FERRY3: variants seen among roughly 807,000 people sequenced by gnomAD.
FERRY3 encodes the protein protein C12orf4.
chr12:4,525,446 T>C, the FERRY3 span: 12 of 1,600,598 alleles, frequency 7.5e-6, no homozygotes, highest in Non-Finnish European at 1.0e-5. Context: ...CAAAAGAAAA[T>C]GCAACTGCAT....
chr12:4,516,769 A>G, the FERRY3 span, among the ~76,000 whole-genome samples: 1 of 152,176 alleles, frequency 6.6e-6, no homozygotes, highest in African/African-American at 2.4e-5. Context: ...TACCTAGGCG[A>G]TGGGTTGATC....
At chr12:4,536,342 T>C in the FERRY3 span, 1 of 490,532 alleles carries the variant, frequency 2.0e-6, no homozygotes, top group Admixed American at 4.3e-5. Context: ...ATTCTAGTTT[T>C]TCCCAAGTGT....
At chr12:4,507,471 G>A in the FERRY3 span, among the ~76,000 whole-genome samples, 3 of 152,124 alleles carry the variant, frequency 2.0e-5, no homozygotes, top group Admixed American at 6.5e-5. Flanking sequence ...ACTATACAGA[G>A]TAATCGCCAA....
the FERRY3 span, among the ~76,000 whole-genome samples, chr12:4,505,955 A>G: frequency 6.6e-6 from 1 of 152,208 alleles, no homozygotes; most frequent in Non-Finnish European, 1.5e-5. Flanking sequence ...ATATACAATT[A>G]TAACAGATAG....
the FERRY3 span, chr12:4,534,311 G>A: frequency 6.3e-7 from 1 of 1,595,610 alleles, no homozygotes; most frequent in Admixed American, 1.7e-5. Flanking sequence ...GTCTGTTACA[G>A]GGACATCAAA....
the FERRY3 span, among the ~76,000 whole-genome samples, chr12:4,537,052 C>A: frequency 1.3e-5 from 2 of 152,222 alleles, no homozygotes; most frequent in African/African-American, 2.4e-5. Flanking sequence ...GTTTACAACA[C>A]CCCTGCTTAT....
At chr12:4,513,342 A>G in the FERRY3 span, among the ~76,000 whole-genome samples, 145 of 152,198 alleles carry the variant, frequency 9.5e-4, no homozygotes, top group Non-Finnish European at 1.4e-3. Flanking sequence ...ATTCAGTGCC[A>G]TCCGCATCAC....
the FERRY3 span, among the ~76,000 whole-genome samples, chr12:4,514,424 C>T: frequency 1.3e-5 from 2 of 152,118 alleles, no homozygotes; most frequent in African/African-American, 4.8e-5. Context: ...ATAAATCATG[C>T]TGCTATAAAG....
the FERRY3 span, among the ~76,000 whole-genome samples, chr12:4,494,980 A>G: frequency 1.3e-5 from 2 of 152,198 alleles, no homozygotes; most frequent in African/African-American, 4.8e-5. Context: ...TAGGTCTTTT[A>G]AAATATCTCT....
At chr12:4,506,415 T>C in the FERRY3 span, among the ~76,000 whole-genome samples, 2 of 152,202 alleles carry the variant, frequency 1.3e-5, no homozygotes, top group Admixed American at 1.3e-4. Context: ...CACTGTACTT[T>C]GTAAATGCAC....
the FERRY3 span, chr12:4,489,014 C>A: frequency 6.6e-6 from 1 of 152,380 alleles, no homozygotes; most frequent in Non-Finnish European, 1.5e-5. Context: ...AAGCTGAGAA[C>A]GCAGGGAGGA....
the FERRY3 span, among the ~76,000 whole-genome samples, chr12:4,498,787 T>G: frequency 6.6e-6 from 1 of 152,156 alleles, no homozygotes; most frequent in Non-Finnish European, 1.5e-5. Context: ...CTGTTCCACC[T>G]CAGATCATCA....
the FERRY3 span, among the ~76,000 whole-genome samples, chr12:4,494,095 A>AAAATAAAT: frequency 6.6e-6 from 1 of 152,170 alleles, no homozygotes; most frequent in Non-Finnish European, 1.5e-5. Context: ...TCCGTCTCAA[A>AAAATAAAT]AAATAAATAA....
At chr12:4,527,481 GA>G in the FERRY3 span, among the ~76,000 whole-genome samples, 1 of 151,890 alleles carries the variant, frequency 6.6e-6, no homozygotes, top group East Asian at 1.9e-4. Context: ...GATACTTTAA[GA>G]AAAAAAATCA....
At chr12:4,514,026 A>G in the FERRY3 span, among the ~76,000 whole-genome samples, 2 of 150,820 alleles carry the variant, frequency 1.3e-5, no homozygotes, top group Non-Finnish European at 3.0e-5. Context: ...AGAATCTACA[A>G]TGAACTCAAA....
chr12:4,518,739 A>G, the FERRY3 span: 2 of 1,206,768 alleles, frequency 1.7e-6, no homozygotes, highest in Non-Finnish European at 2.4e-6. Context: ...AGAAGTTACA[A>G]TAAATTATAA....
At chr12:4,519,179 G>A in the FERRY3 span, among the ~76,000 whole-genome samples, 1 of 152,076 alleles carries the variant, frequency 6.6e-6, no homozygotes, top group Non-Finnish European at 1.5e-5. The surrounding 1 kb of genome is among the most constrained non-coding windows in gnomAD (Gnocchi z 4.3). Flanking sequence ...TAAATGAAGC[G>A]ATTAACTTAT....
At chr12:4,499,308 T>A in the FERRY3 span, among the ~76,000 whole-genome samples, 2 of 152,118 alleles carry the variant, frequency 1.3e-5, no homozygotes. Context: ...CTCTGCTTTT[T>A]AAAAAATGCC....
the FERRY3 span, chr12:4,518,905 TACTTTTATGTTTGTCAAAA>T: frequency 7.0e-7 from 1 of 1,430,002 alleles, no homozygotes; most frequent in Admixed American, 2.3e-5. Flanking sequence ...ATTATTGATA[TACTTTTATGTTTGTCAAAA>T]ACTTTTCTTA....
Sources: gnomAD v4.1 joint callset for allele counts (sites outside exome capture counted in the v4.1 genomes callset) on GRCh38, gnomAD v4.1.1 for gene constraint, Gnocchi (gnomAD v3.1) non-coding constraint, MANE v1.5 for transcripts, NCBI Gene and HGNC (gene_info 2026-07-23, HGNC 2026-07-21) for gene names.